The following ECM2 variants were observed in gnomAD, a reference collection of about 807,000 sequenced individuals.
The protein encoded by ECM2 is extracellular matrix protein 2, female organ and adipocyte specific.
ECM2 carries 57 observed loss-of-function variants against 67.5 expected under a neutral mutation model. The observed-to-expected ratio is 0.84, with a 90% confidence interval of 0.68 to 1.05. ECM2 has a LOEUF of 1.05. Ranked by LOEUF, ECM2 falls within the 50% of genes least tolerant of loss-of-function variation. The probability of loss-of-function intolerance (pLI) is 0.00; values close to 1 mark genes in which losing one functional copy is unlikely to be tolerated. For missense variants in ECM2, 741 were observed against 822.8 expected (o/e 0.90, Z 1.22); for synonymous variants, 258 against 294.5 (o/e 0.88, Z 1.27).
chr9:92,547,012 G>A, the ECM2 span, among the ~76,000 whole-genome samples: 1 of 152,030 alleles, frequency 6.6e-6, no homozygotes, highest in Non-Finnish European at 1.5e-5. Flanking sequence ...TCTCACTAAT[G>A]AACATAGATT....
upstream of ECM2, among the ~76,000 whole-genome samples, chr9:92,541,477 C>T (rs1849319811): frequency 6.8e-6 from 1 of 146,760 alleles, no homozygotes; most frequent in Non-Finnish European, 1.5e-5. Flanking sequence ...TCCCCTGCCT[C>T]AGCCTCCCGA....
Position 92,515,536 on chromosome 9 carries a change from G to C in ECM2, c.482-333C>G, listed in dbSNP as rs192442392. 3.2e-4 allele frequency among the ~76,000 whole-genome samples: 48 copies of C among 152,312 alleles called. No homozygotes were observed. The East Asian group carries it at 7.3e-3, about 23-fold the overall frequency. Reference sequence around the variant, plus strand: ...ATGAGGCAAAATGGTAAGCAATCCTGTTGTGAGATTGTGTTATAATCAGTT... The same window carrying C: ...ATGAGGCAAAATGGTAAGCAATCCTCTTGTGAGATTGTGTTATAATCAGTT... On this transcript the variant is annotated intron_variant, in intron 3 of 9. Transcript: ENST00000344604.
chr9:92,517,505 T>C (rs1847801157), intron 3 of ECM2, 182 bp downstream of exon 3: 1 of 777,870 alleles, frequency 1.3e-6, no homozygotes, highest in Non-Finnish European at 2.0e-6. Context: ...CACAGTCTAT[T>C]ATTTATATCC....
chr9:92,518,197 T>A (rs1209862315), intron 2 of ECM2, among the ~76,000 whole-genome samples: 1 of 152,164 alleles, frequency 6.6e-6, no homozygotes, highest in East Asian at 1.9e-4. Context: ...TCTCAGTTAT[T>A]TTTCATTTAT....
intron 3 of ECM2, among the ~76,000 whole-genome samples, chr9:92,516,209 ACCC>A (rs1260361026): frequency 6.6e-6 from 1 of 151,524 alleles, no homozygotes; most frequent in Non-Finnish European, 1.5e-5. Flanking sequence ...GATTACAGGC[ACCC>A]CACCACCATG....
At chr9:92,516,876 C>T (rs1847759454) in intron 3 of ECM2, 1 of 152,152 alleles carries the variant, frequency 6.6e-6, no homozygotes, top group Non-Finnish European at 1.5e-5. Context: ...TTGTAGACAC[C>T]TACCCTGTGA....
At chr9:92,508,856 A>C (rs1328927078) in intron 6 of ECM2, among the ~76,000 whole-genome samples, 1 of 152,130 alleles carries the variant, frequency 6.6e-6, no homozygotes, top group African/African-American at 2.4e-5. Context: ...TAAATAACAT[A>C]ATAAATAAAA....
chr9:92,550,993 G>C, the ECM2 span, among the ~76,000 whole-genome samples: 118 of 152,288 alleles, frequency 7.7e-4, 1 homozygote, highest in Admixed American at 1.4e-3. Context: ...AGTGTGGTCT[G>C]TCTTCAGGGT....
chr9:92,520,864 C>G (rs1199894450), intron 2 of ECM2, among the ~76,000 whole-genome samples: 1 of 152,148 alleles, frequency 6.6e-6, no homozygotes, highest in Non-Finnish European at 1.5e-5. Flanking sequence ...ATACACAAGG[C>G]CACATATTAT....
downstream of ECM2, chr9:92,493,704 A>G (rs576869274): frequency 6.3e-5 from 10 of 158,358 alleles, no homozygotes; most frequent in South Asian, 1.7e-3. Flanking sequence ...TTATGGAATT[A>G]AAACTTCCCA....
chr9:92,544,595 C>G, the ECM2 span, among the ~76,000 whole-genome samples: 100 of 151,160 alleles, frequency 6.6e-4, no homozygotes, highest in East Asian at 0.019. Flanking sequence ...ATTCTACATT[C>G]CAAAGTTGTT....
the ECM2 span, among the ~76,000 whole-genome samples, chr9:92,541,909 T>G: frequency 6.6e-5 from 10 of 152,164 alleles, no homozygotes; most frequent in Non-Finnish European, 4.4e-5. Context: ...TTCTCCTGCC[T>G]CAGCTTCATG....
chr9:92,516,284 C>G (rs1420033537), intron 3 of ECM2, among the ~76,000 whole-genome samples: 1 of 151,976 alleles, frequency 6.6e-6, no homozygotes, highest in African/African-American at 2.4e-5. Flanking sequence ...AGGCTGGTCT[C>G]GAACACCTGA....
chr9:92,548,234 G>T, the ECM2 span, among the ~76,000 whole-genome samples: 1 of 146,974 alleles, frequency 6.8e-6, no homozygotes, highest in Non-Finnish European at 1.5e-5. Context: ...TTTCACTGCT[G>T]TGGCATCATG....
the ECM2 span, among the ~76,000 whole-genome samples, chr9:92,550,395 C>CAAA: frequency 5.6e-4 from 81 of 145,934 alleles, no homozygotes; most frequent in African/African-American, 1.0e-3. Flanking sequence ...GACTCTGTCT[C>CAAA]AAAAAAAAAA....
At position 92,505,635 on chromosome 9, in the gene ECM2, A is replaced by G. The variant is rs369126996; in HGVS notation, c.1362T>C (p.Asn454=). ...ELEGNNLSEA[N]VNPLAFKPLK... ...AAGGTTTGAAAGCTAAAGGATTGAC[A>G]TTGGCTTCACTGAGATTGTTTCCTT... The change falls in exon 7 of 10, where the codon AAT becomes AAC. Residue 454 remains asparagine (N), a synonymous_variant. Transcript: ENST00000344604. 4 of 1,609,134 alleles carry G rather than the reference A, an allele frequency of 2.5e-6. No homozygotes were observed. The African/African-American group carries it at 5.4e-5, about 22-fold the overall frequency.
chr9:92,514,851 CTCCTCCTCCTCA>C lies in ECM2; in HGVS notation c.822_833del (p.Asp274_Glu277del). ...CCTCATCCTCCTCACCCTCCTCACC[CTCCTCCTCCTCA>C]TCCTCCTCCTCCTCCCTTCCTTGGC... On this transcript the variant is annotated inframe_deletion, in exon 4 of 10. Coordinates refer to ENST00000344604, the MANE Select transcript of ECM2 (RefSeq NM_001393.4). 5 of 1,609,420 alleles carry C rather than the reference CTCCTCCTCCTCA, an allele frequency of 3.1e-6. No homozygotes were observed. The highest frequency in any genetic ancestry group is 2.5e-6 in the Non-Finnish European group (3 of 1,177,274).
the ECM2 span, among the ~76,000 whole-genome samples, chr9:92,546,549 C>T: frequency 6.6e-6 from 1 of 152,076 alleles, no homozygotes; most frequent in South Asian, 2.1e-4. Context: ...ACGCCAAGGT[C>T]TGCAGCTTCA....
chr9:92,504,572 G>C (rs1846882291), intron 7 of ECM2, among the ~76,000 whole-genome samples: 1 of 152,134 alleles, frequency 6.6e-6, no homozygotes, highest in African/African-American at 2.4e-5. Flanking sequence ...GTCTCTCTGT[G>C]TTGCCCAGGC....
Sources: allele counts gnomAD v4.1 joint callset (sites outside exome capture counted in the v4.1 genomes callset), GRCh38; gene constraint gnomAD v4.1.1; transcripts MANE v1.5; gene names NCBI Gene and HGNC (gene_info 2026-07-23, HGNC 2026-07-21).